Variants in USP34 observed in about 807,000 individuals in gnomAD.
The protein encoded by USP34 is ubiquitin specific peptidase 34.
In USP34, 70 loss-of-function variants were observed where a neutral mutation model predicts 460.3. That is an observed-to-expected ratio of 0.15 (90% CI 0.13 to 0.19). The LOEUF (loss-of-function observed/expected upper bound fraction) is 0.19. USP34 is among the 10% of genes least tolerant of loss of function. The probability of loss-of-function intolerance (pLI) is 1.00; values close to 1 mark genes in which losing one functional copy is unlikely to be tolerated. For missense variants in USP34, 3,985 were observed against 4,236.2 expected, an observed-to-expected ratio of 0.94 and a Z score of 1.65; for synonymous variants, 1,647 against 1,405.3, an observed-to-expected ratio of 1.17 and a Z score of -3.85.
intron 20 of USP34, among the ~76,000 whole-genome samples, chr2:61,329,986 G>A (rs1411801919): frequency 2.6e-5 from 4 of 152,210 alleles, no homozygotes; most frequent in Admixed American, 2.0e-4. Flanking sequence ...CTGAGGCAAG[G>A]AGACTAAACT....
At chr2:61,395,327 A>G (rs1480817162) in intron 3 of USP34, 94 bp from the exon 4 acceptor site, 4 of 807,726 alleles carry the variant, frequency 5.0e-6, no homozygotes, top group East Asian at 5.5e-5. Context: ...TAAAAACCGA[A>G]TAAACAGATT....
At chr2:61,288,491 C>T (rs1330769214) in intron 34 of USP34, among the ~76,000 whole-genome samples, 186 bp downstream of exon 34, 1 of 152,174 alleles carries the variant, frequency 6.6e-6, no homozygotes, top group Non-Finnish European at 1.5e-5. Flanking sequence ...CTCATTTCTG[C>T]ATTCTGGATG....
At chr2:61,209,547 A>C (rs188474007) in intron 69 of USP34, among the ~76,000 whole-genome samples, 1 of 152,340 alleles carries the variant, frequency 6.6e-6, no homozygotes, top group Admixed American at 6.5e-5. Flanking sequence ...TTCACAATGC[A>C]TTACCCACAT....
At chr2:61,222,861 A>G in intron 64 of USP34, 198 bp from the exon 65 acceptor site, 2 of 679,784 alleles carry the variant, frequency 2.9e-6, no homozygotes, top group Non-Finnish European at 5.0e-6. Flanking sequence ...ACACCCGGCT[A>G]GATTTTTCTA....
chr2:61,403,123 T>C (rs1279864122), intron 3 of USP34, among the ~76,000 whole-genome samples: 2 of 152,182 alleles, frequency 1.3e-5, no homozygotes, highest in Admixed American at 6.5e-5. Context: ...TCTATGGGTA[T>C]TTTTTGTCAG....
At chr2:61,279,555 C>A (rs1689474023) in intron 39 of USP34, among the ~76,000 whole-genome samples, 1 of 152,108 alleles carries the variant, frequency 6.6e-6, no homozygotes. Flanking sequence ...GCAACCTCTG[C>A]CTCCCGGGTT....
intron 48 of USP34, among the ~76,000 whole-genome samples, chr2:61,253,303 C>A (rs1688635374): frequency 6.6e-6 from 1 of 152,158 alleles, no homozygotes; most frequent in African/African-American, 2.4e-5. Flanking sequence ...TACATTTATT[C>A]CAATTAGAGA....
At chr2:61,383,402 C>G in intron 5 of USP34, 66 bp from the exon 6 acceptor site, 1 of 1,265,296 alleles carries the variant, frequency 7.9e-7, no homozygotes, top group Non-Finnish European at 1.1e-6. Flanking sequence ...TTTCACTAAA[C>G]TAATGAAAAA....
chr2:61,359,163 A>C (rs2103807660), intron 10 of USP34, among the ~76,000 whole-genome samples: 1 of 152,346 alleles, frequency 6.6e-6, no homozygotes, highest in East Asian at 1.9e-4. Flanking sequence ...ATGACTTTGA[A>C]ACTTGCAAAA....
chr2:61,409,961 T>C (rs1693990857), intron 2 of USP34, among the ~76,000 whole-genome samples: 1 of 152,158 alleles, frequency 6.6e-6, no homozygotes, highest in Non-Finnish European at 1.5e-5. Context: ...AAATAATACT[T>C]TTTATTCTAT....
In USP34 at chr2:61,235,872, C is replaced by G. The variant is rs1688054046; in HGVS notation, c.7005G>C (p.Gln2335His). The change falls in exon 57 of 80, where the codon CAG (glutamine) becomes CAC (histidine). Residue 2335 changes from glutamine to histidine, a missense_variant. Gln to His is a conservative substitution (Grantham distance 24). Around this residue, in one of 14 missense-constraint regions of USP34, gnomAD observed 604 missense variants for 684.8 expected, o/e 0.88. Transcript: ENST00000398571. ...MLQWIELLTK[Q>H]FNNSQAACEW... ...CACAAGCTGCCTGACTATTATTAAA[C>G]TGTTTCGTCAACAGTTCAATCCACT... The G allele has an allele frequency of 6.2e-7, 1 of 1,613,764 alleles. No homozygotes were observed. The highest frequency in any genetic ancestry group is 1.7e-5 in the Admixed American group (1 of 59,962).
intron 1 of USP34, among the ~76,000 whole-genome samples, chr2:61,468,151 T>C (rs1695837894): frequency 1.3e-5 from 2 of 152,188 alleles, no homozygotes; most frequent in African/African-American, 4.8e-5. Flanking sequence ...CAACTTTTAA[T>C]AGTGTGGTAT....
intron 10 of USP34, among the ~76,000 whole-genome samples, chr2:61,355,648 C>G (rs1692081002): frequency 6.6e-6 from 1 of 152,050 alleles, no homozygotes; most frequent in African/African-American, 2.4e-5. Context: ...CAAACACAAA[C>G]CACCAAAACA....
Position 61,378,343 on chromosome 2 carries a change from A to G in USP34, c.1076+20T>C. On this transcript the variant is annotated intron_variant, in intron 8 of 79. Coordinates refer to ENST00000398571, the MANE Select transcript of USP34 (RefSeq NM_014709.4). ...ACATTAAAATGGTATACTTATATAT[A>G]AATTAATGCTCCTACTTACGTTTCT... 1 of 1,532,086 alleles carries G rather than the reference A, an allele frequency of 6.5e-7. No individual in the cohort carries two copies. The highest frequency in any genetic ancestry group is 8.9e-7 in the Non-Finnish European group (1 of 1,127,618). The allele number at this position is 1,532,086 out of a possible 1,614,324, so 94.9% of individuals were successfully genotyped here.
At chr2:61,247,958 A>T (rs1419873584) in intron 49 of USP34, among the ~76,000 whole-genome samples, 1 of 152,118 alleles carries the variant, frequency 6.6e-6, no homozygotes, top group Non-Finnish European at 1.5e-5. Flanking sequence ...AGGCCAATGC[A>T]GGTGGATTGC....
At chr2:61,437,300 A>G (rs1694839718) in intron 1 of USP34, among the ~76,000 whole-genome samples, 1 of 152,138 alleles carries the variant, frequency 6.6e-6, no homozygotes, top group South Asian at 2.1e-4. Context: ...CTAAGGAAAA[A>G]AGAGACAAGA....
intron 3 of USP34, among the ~76,000 whole-genome samples, chr2:61,398,005 G>A (rs1693589684): frequency 6.6e-6 from 1 of 151,980 alleles, no homozygotes; most frequent in Non-Finnish European, 1.5e-5. Context: ...TGGGGGAGGG[G>A]GGTTGCAGTG....
At chr2:61,341,329 G>A (rs2103758085) in intron 16 of USP34, among the ~76,000 whole-genome samples, 1 of 152,250 alleles carries the variant, frequency 6.6e-6, no homozygotes, top group South Asian at 2.1e-4. Flanking sequence ...AAAAACTGCT[G>A]GGTCATATGG....
intron 10 of USP34, among the ~76,000 whole-genome samples, chr2:61,368,970 T>G (rs538214316): frequency 6.6e-6 from 1 of 151,730 alleles, no homozygotes; most frequent in South Asian, 2.1e-4. Flanking sequence ...CATAAAGAAC[T>G]CCTACAAATA....
Sources: allele counts gnomAD v4.1 joint callset (sites outside exome capture counted in the v4.1 genomes callset), GRCh38; gene constraint gnomAD v4.1.1; regional missense constraint gnomAD v4.1.1; transcripts MANE v1.5; gene names NCBI Gene and HGNC (gene_info 2026-07-23, HGNC 2026-07-21).